Variants in SMC5 observed in about 807,000 individuals in gnomAD.
SMC5 encodes structural maintenance of chromosomes 5, also known as structural maintenance of chromosomes protein 5.
SMC5 carries 88 observed loss-of-function variants against 148.3 expected under a neutral mutation model. The observed-to-expected ratio is 0.59, with a 90% confidence interval of 0.50 to 0.71. SMC5 has a LOEUF of 0.71. Ranked by LOEUF, SMC5 falls within the 30% of genes least tolerant of loss-of-function variation. SMC5 has a pLI of 0.00. For synonymous variants in SMC5, 421 were observed against 432.8 expected (o/e 0.97, Z 0.34); for missense variants, 1,142 against 1,298.9 (o/e 0.88, Z 1.86).
intron 17 of SMC5, among the ~76,000 whole-genome samples, chr9:70,336,754 G>C (rs1018752266): frequency 2.6e-5 from 4 of 152,188 alleles, no homozygotes; most frequent in Admixed American, 2.0e-4. Flanking sequence ...TTATAAAAGA[G>C]GTTTCATGAA....
chr9:70,289,235 A>G (rs1415268128), intron 8 of SMC5, among the ~76,000 whole-genome samples: 1 of 152,036 alleles, frequency 6.6e-6, no homozygotes, highest in Non-Finnish European at 1.5e-5. Context: ...ACAGAGTTTC[A>G]CCACGTTGGC....
intron 5 of SMC5, among the ~76,000 whole-genome samples, chr9:70,279,128 CT>C (rs796769026): frequency 7.9e-5 from 12 of 152,224 alleles, no homozygotes; most frequent in African/African-American, 2.9e-4. Context: ...TAAAAATGTA[CT>C]TTTATAGCAT....
At chr9:70,261,203 A>G (rs931438998) in intron 1 of SMC5, among the ~76,000 whole-genome samples, 2 of 152,240 alleles carry the variant, frequency 1.3e-5, no homozygotes, top group Non-Finnish European at 2.9e-5. Context: ...AGGGGCCTGT[A>G]TGTTTACTAT....
chr9:70,296,552 CAAAA>C (rs112744853), intron 8 of SMC5, among the ~76,000 whole-genome samples: 1 of 112,790 alleles, frequency 8.9e-6, no homozygotes, highest in African/African-American at 3.1e-5. Context: ...GACTCTGTCT[CAAAA>C]AAAAAAAAAA....
intron 11 of SMC5, among the ~76,000 whole-genome samples, chr9:70,307,390 T>C (rs1214514415): frequency 6.6e-6 from 1 of 152,262 alleles, no homozygotes; most frequent in African/African-American, 2.4e-5. Flanking sequence ...TCATTCCTTC[T>C]GTGTTTATTA....
In SMC5 at chr9:70,353,125, T is replaced by G. The variant is rs1343671014; in HGVS notation, c.*794T>G. Reference sequence around the variant, plus strand: ...TTTATTTTATTTAAAGTCAATTATATTTTACATCTTACATTTCTAAAAGCA... The same window carrying G: ...TTTATTTTATTTAAAGTCAATTATAGTTTACATCTTACATTTCTAAAAGCA... On this transcript the variant is annotated 3_prime_UTR_variant, in exon 25 of 25. Coordinates refer to ENST00000361138, the MANE Select transcript of SMC5 (RefSeq NM_015110.4). 2 of 152,094 alleles carry G rather than the reference T, an allele frequency of 1.3e-5. No individual in the cohort carries two copies. Among genetic ancestry groups the G allele is most frequent in the Non-Finnish European group, 2.9e-5 (2 of 68,010 alleles). 9.4% of individuals were successfully genotyped at this position (152,094 alleles called of 1,614,324 possible).
In SMC5 at chr9:70,350,313, A is replaced by T. The variant is rs1216403800; in HGVS notation, c.3069+20A>T. 10 of 1,611,540 alleles carry T rather than the reference A, an allele frequency of 6.2e-6. No homozygotes were observed. The highest frequency in any genetic ancestry group is 8.5e-6 in the Non-Finnish European group (10 of 1,179,062). ...AATCAGGTATGGTGATTGTTCTGTT[A>T]CTTGGATCTTCTTATATCCTGTAAC... is the stretch of plus-strand genomic sequence containing the variant. On this transcript the variant is annotated intron_variant, in intron 23 of 24. Coordinates refer to ENST00000361138, the MANE Select transcript of SMC5 (RefSeq NM_015110.4).
intron 1 of SMC5, among the ~76,000 whole-genome samples, chr9:70,260,270 A>G (rs1054933777): frequency 2.6e-5 from 4 of 151,038 alleles, no homozygotes; most frequent in African/African-American, 7.3e-5. Flanking sequence ...ACGCCCAGCT[A>G]TTTTTTTTTG....
intron 17 of SMC5, among the ~76,000 whole-genome samples, chr9:70,342,946 AT>A (rs1380828589): frequency 6.6e-6 from 1 of 152,030 alleles, no homozygotes; most frequent in Non-Finnish European, 1.5e-5. Context: ...ATTTCTTGTC[AT>A]TTAAGGCTGT....
chr9:70,309,289 A>G (rs1194461687), intron 11 of SMC5, among the ~76,000 whole-genome samples: 1 of 125,918 alleles, frequency 7.9e-6, no homozygotes, highest in Non-Finnish European at 1.7e-5. Flanking sequence ...ATAGCATTTT[A>G]CCCATAGCAG....
intron 5 of SMC5, among the ~76,000 whole-genome samples, chr9:70,279,680 G>A (rs1482574171): frequency 1.3e-5 from 2 of 152,052 alleles, no homozygotes; most frequent in African/African-American, 2.4e-5. Context: ...AGCCGGGTGT[G>A]ATGGTGGGCG....
At chr9:70,336,681 C>A (rs536812655) in intron 17 of SMC5, among the ~76,000 whole-genome samples, 7 of 152,212 alleles carry the variant, frequency 4.6e-5, no homozygotes, top group African/African-American at 1.7e-4. Flanking sequence ...ATTGTAGAGT[C>A]CATGCTGAAG....
intron 19 of SMC5, 30 bp from the exon 20 acceptor site, chr9:70,347,036 A>G (rs927658602): frequency 2.0e-6 from 3 of 1,515,664 alleles, no homozygotes; most frequent in East Asian, 2.3e-5. Context: ...TTTTCATTGT[A>G]TCTATAATGA....
At chr9:70,271,659 G>A (rs2034453832) in intron 3 of SMC5, among the ~76,000 whole-genome samples, 1 of 152,170 alleles carries the variant, frequency 6.6e-6, no homozygotes, top group African/African-American at 2.4e-5. Context: ...AAGCAGAAAA[G>A]GAGGATAGGA....
chr9:70,276,496 G>A (rs893423441), intron 3 of SMC5, among the ~76,000 whole-genome samples: 1 of 152,040 alleles, frequency 6.6e-6, no homozygotes, highest in Non-Finnish European at 1.5e-5. Context: ...TTTATTAGTC[G>A]TTCTGCTGGA....
intron 9 of SMC5, among the ~76,000 whole-genome samples, chr9:70,298,482 C>A (rs2035267512): frequency 6.6e-6 from 1 of 152,048 alleles, no homozygotes; most frequent in African/African-American, 2.4e-5. Flanking sequence ...GCTTTATTTT[C>A]TTTACAAAGT....
chr9:70,296,239 C>T (rs551583925), intron 8 of SMC5, among the ~76,000 whole-genome samples: 1 of 152,158 alleles, frequency 6.6e-6, no homozygotes, highest in South Asian at 2.1e-4. Context: ...AGAAACTGCT[C>T]TCAATGCATT....
intron 17 of SMC5, among the ~76,000 whole-genome samples, chr9:70,329,770 A>G (rs923614363): frequency 2.0e-5 from 3 of 152,112 alleles, no homozygotes; most frequent in Non-Finnish European, 4.4e-5. Context: ...AATTTTCTGT[A>G]TTAGTACATT....
intron 22 of SMC5, 93 bp downstream of exon 22, chr9:70,348,131 AT>A: frequency 1.7e-6 from 2 of 1,197,552 alleles, no homozygotes; most frequent in South Asian, 1.9e-5. Flanking sequence ...CTTTTGAGTT[AT>A]ATCTGTGAAA....
Sources: allele counts gnomAD v4.1 joint callset (sites outside exome capture counted in the v4.1 genomes callset), GRCh38; gene constraint gnomAD v4.1.1; transcripts MANE v1.5; gene names NCBI Gene and HGNC (gene_info 2026-07-23, HGNC 2026-07-21).